The following CACNB1 variants were observed in gnomAD, a reference collection of about 807,000 sequenced individuals.
CACNB1 encodes calcium voltage-gated channel auxiliary subunit beta 1.
Under a neutral mutation model 71.6 loss-of-function variants are expected in CACNB1, and 29 were observed. The observed-to-expected ratio is 0.40, with a 90% confidence interval of 0.30 to 0.55. CACNB1 has a LOEUF of 0.55. CACNB1 is among the 20% of genes least tolerant of loss of function. CACNB1 has a pLI of 0.38. For synonymous variants in CACNB1, 300 were observed against 319.6 expected, an observed-to-expected ratio of 0.94 and a Z score of 0.65; for missense variants, 623 against 801.8, an observed-to-expected ratio of 0.78 and a Z score of 2.69.
chr17:39,184,273 C>A, intron 9 of CACNB1, 52 bp downstream of exon 9: 2 of 1,349,320 alleles, frequency 1.5e-6, no homozygotes, highest in Non-Finnish European at 2.1e-6. Context: ...CCTGCCCATC[C>A]CCAGCAGCAG....
chr17:39,197,421 G>A lies in CACNB1; in HGVS notation c.75C>T (p.Pro25=). ...GGCCACCACGCCTCACCTGCGGGCT[G>A]GGGTCGAAGACCTCCATGGGGATCT... ...SQEIPMEVFD[P]SPQGKYSKRK... is the part of the protein sequence containing the mutation. The change falls in exon 1 of 14, where the codon CCC becomes CCT. Residue 25 remains proline, a synonymous_variant. Coordinates refer to ENST00000394303, the MANE Select transcript of CACNB1 (RefSeq NM_000723.5). 1 of 1,465,090 alleles carries A rather than the reference G, an allele frequency of 6.8e-7. No individual in the cohort carries two copies. Among genetic ancestry groups the A allele is most frequent in the East Asian group, 3.0e-5 (1 of 33,698 alleles). 90.8% of individuals were successfully genotyped at this position (1,465,090 alleles called of 1,614,324 possible). A position where few individuals can be genotyped will look rare whatever the true frequency, so the allele number is the denominator to read the frequency against.
At chr17:39,184,975 C>A in intron 7 of CACNB1, 111 bp from the exon 8 acceptor site, 3 of 1,001,536 alleles carry the variant, frequency 3.0e-6, no homozygotes, top group East Asian at 2.4e-5. Context: ...TCCCAGAGCC[C>A]AGATGTAGGG....
Position 39,183,717 on chromosome 17 carries a change from G to A in CACNB1, c.1046C>T (p.Pro349Leu). 3 of 1,599,734 alleles carry A rather than the reference G, an allele frequency of 1.9e-6. No homozygotes were observed. Among genetic ancestry groups the A allele is most frequent in the Non-Finnish European group, 2.6e-6 (3 of 1,172,638 alleles). The change falls in exon 11 of 14, where the codon CCC becomes CTC. Residue 349 changes from proline to leucine, a missense_variant. Physicochemically the swap from Pro to Leu is moderately conservative, Grantham distance 98 (BLOSUM62 -3). Transcript: ENST00000394303. ...PIIVYIKITSPKVLQRLIKSR... is the reference protein window; with the variant it reads ...PIIVYIKITSLKVLQRLIKSR... Reference sequence around the variant, plus strand: ...GGGTCAGGCTCCTGCACCCACCTTGGGAGAGGTGATCTTGATGTAAACAAT... The same window carrying A: ...GGGTCAGGCTCCTGCACCCACCTTGAGAGAGGTGATCTTGATGTAAACAAT...
rs747996784 is a variant in CACNB1 at position 39,185,184 on chromosome 17, G to C, written c.629-34C>G. On this transcript the variant is annotated intron_variant, in intron 6 of 13. Coordinates refer to ENST00000394303, the MANE Select transcript of CACNB1 (RefSeq NM_000723.5). Reference sequence around the variant, plus strand: ...AGAGATTGCCAAGAGAGGGAAGGGGGAGGAGAGAGGGAAGGGGACCCAGGC... The same window carrying C: ...AGAGATTGCCAAGAGAGGGAAGGGGCAGGAGAGAGGGAAGGGGACCCAGGC... 3.1e-6 allele frequency: 5 copies of C among 1,598,182 alleles called. No individual in the cohort carries two copies. The South Asian group carries it at 5.5e-5, about 18-fold the overall frequency.
In CACNB1 at chr17:39,191,601, T is replaced by C. The variant is rs2046082517; in HGVS notation, c.172-8A>G. On this transcript the variant is annotated splice_region_variant and splice_polypyrimidine_tract_variant and intron_variant, in intron 2 of 13. Coordinates refer to ENST00000394303, the MANE Select transcript of CACNB1 (RefSeq NM_000723.5). ...GTAGGACTCCGCTGAGCCCTGAAAA[T>C]AGAGAGAGCCAGATCAGGGCCATTG... is the stretch of plus-strand genomic sequence containing the variant. The C allele has an allele frequency of 1.2e-6, 2 of 1,607,366 alleles. No homozygotes were observed. The highest frequency in any genetic ancestry group is 2.2e-5 in the South Asian group (2 of 90,094).
intron 8 of CACNB1, 146 bp downstream of exon 8, chr17:39,184,638 G>A: frequency 1.5e-6 from 1 of 665,082 alleles, no homozygotes; most frequent in South Asian, 1.8e-5. Flanking sequence ...GTCTTTCTGT[G>A]GATTGGGCCC....
rs2144144774 is a variant in CACNB1, at chr17:39,187,352, G to A, written c.414+127C>T. ...AAATTAAGAGGCTCAGAGAGGTGGA[G>A]AGATTTGTCTAAGGTCACACAGCAG... On this transcript the variant is annotated intron_variant, in intron 4 of 13. Transcript: ENST00000394303. 13 of 1,040,628 alleles carry A rather than the reference G, an allele frequency of 1.2e-5. No individual in the cohort carries two copies. In the South Asian group the frequency reaches 1.8e-4, roughly 14 times the overall value. The allele number at this position is 1,040,628 out of a possible 1,614,324, so 64.5% of individuals were successfully genotyped here. A position where few individuals can be genotyped will look rare whatever the true frequency, so the allele number is the denominator to read the frequency against.
chr17:39,189,117 C>T (rs2046011999), intron 3 of CACNB1, among the ~76,000 whole-genome samples: 1 of 152,068 alleles, frequency 6.6e-6, no homozygotes, highest in Non-Finnish European at 1.5e-5. Flanking sequence ...GTAATCCCAG[C>T]ACTTTGAAAG....
In CACNB1 at chr17:39,176,469, G is replaced by A. The variant is rs548732209; in HGVS notation, c.1333-812C>T. Among the ~76,000 whole-genome samples the A allele has an allele frequency of 4.9e-4, 75 of 152,272 alleles. No homozygotes were observed. In the South Asian group the frequency reaches 0.015, roughly 30 times the overall value. On this transcript the variant is annotated intron_variant, in intron 13 of 13. Transcript: ENST00000394303. ...TTTCCAAACTGTTACCTAGAGATCTGGGGTGGCATTGGGTGGGAAGGGCAC... is the reference window on the plus strand; with the variant it reads ...TTTCCAAACTGTTACCTAGAGATCTAGGGTGGCATTGGGTGGGAAGGGCAC...
At chr17:39,183,539 T>C (rs1226100484) in intron 11 of CACNB1, among the ~76,000 whole-genome samples, 174 bp downstream of exon 11, 1 of 152,192 alleles carries the variant, frequency 6.6e-6, no homozygotes, top group Non-Finnish European at 1.5e-5. Flanking sequence ...TGCTAAGTGC[T>C]ATACATTCAT....
chr17:39,175,604 G>C lies in CACNB1; in HGVS notation c.1386C>G (p.His462Gln). The change falls in exon 14 of 14, where the codon CAC (histidine) becomes CAG (glutamine). Residue 462 changes from histidine (H) to glutamine (Q), a missense_variant. Physicochemically the swap from His to Gln is conservative, Grantham distance 24. Transcript: ENST00000394303. The surrounding 1 kb of genome is among the most constrained non-coding windows in gnomAD (Gnocchi z 4.7). ...CCCCTGGGTACTCGTGCATGCTGGC[G>C]TGCTCCCCGGTGGCCCGTTCCAGTG... is the stretch of plus-strand genomic sequence containing the variant. ...DQPLERATGE[H>Q]ASMHEYPGEL... The C allele has an allele frequency of 6.3e-7, 1 of 1,598,400 alleles. No individual in the cohort carries two copies. The highest frequency in any genetic ancestry group is 1.1e-5 in the South Asian group (1 of 88,738).
Position 39,186,431 on chromosome 17 carries a change from G to A in CACNB1, c.628+65C>T. 1 of 1,176,766 alleles carries A rather than the reference G, an allele frequency of 8.5e-7. No individual in the cohort carries two copies. Among genetic ancestry groups the A allele is most frequent in the Non-Finnish European group, 1.2e-6 (1 of 807,056 alleles). 72.9% of individuals were successfully genotyped at this position (1,176,766 alleles called of 1,614,324 possible). On this transcript the variant is annotated intron_variant, in intron 6 of 13. Coordinates refer to ENST00000394303, the MANE Select transcript of CACNB1 (RefSeq NM_000723.5). This position sits in a 1 kb window ranked among gnomAD's most constrained non-coding sequence, Gnocchi z 4.1. Reference sequence around the variant, plus strand: ...CCTACTGCAGGGAAAGGAGGATTCAGGGAGTGGGGAGACCACCCCACCCAG... The same window carrying A: ...CCTACTGCAGGGAAAGGAGGATTCAAGGAGTGGGGAGACCACCCCACCCAG...
intron 3 of CACNB1, among the ~76,000 whole-genome samples, chr17:39,187,946 G>T (rs2045980957): frequency 6.6e-6 from 1 of 152,088 alleles, no homozygotes; most frequent in Admixed American, 6.6e-5. Context: ...CTGGAAGGTG[G>T]AGGTTGCAGT....
intron 3 of CACNB1, among the ~76,000 whole-genome samples, chr17:39,188,039 T>C (rs2045983032): frequency 6.6e-6 from 1 of 151,188 alleles, no homozygotes; most frequent in South Asian, 2.1e-4. Context: ...CAACAAAATG[T>C]ATACTGACAC....
chr17:39,187,451 C>T lies in CACNB1; in HGVS notation c.414+28G>A, dbSNP rs199821771. 7.6e-5 allele frequency: 122 copies of T among 1,612,724 alleles called. 1 individual carries two copies. In the East Asian group the frequency reaches 2.7e-3, roughly 35 times the overall value. On this transcript the variant is annotated intron_variant, in intron 4 of 13. Coordinates refer to ENST00000394303, the MANE Select transcript of CACNB1 (RefSeq NM_000723.5). ...CTGGCTGCCTGTCTCCTGGCACCCACTTCCCTGCCCTCCCTCCAGATACCC... is the reference window on the plus strand; with the variant it reads ...CTGGCTGCCTGTCTCCTGGCACCCATTTCCCTGCCCTCCCTCCAGATACCC...
rs184501402 is a variant in CACNB1 at position 39,189,778 on chromosome 17, G to A, written c.291+1696C>T. On this transcript the variant is annotated intron_variant, in intron 3 of 13. Transcript: ENST00000394303. ...CTCCCAAAGTGCCGGGATTACAGGC[G>A]TGAGCCACCGCACCCAGCCAGCCCT... is the stretch of plus-strand genomic sequence containing the variant. 5.9e-4 allele frequency among the ~76,000 whole-genome samples: 90 copies of A among 151,790 alleles called. 1 individual carries two copies. In the East Asian group the frequency reaches 0.017, roughly 29 times the overall value.
At chr17:39,187,180 A>T in intron 4 of CACNB1, 1 of 599,770 alleles carries the variant, frequency 1.7e-6, no homozygotes. Flanking sequence ...CCTTCTCCCC[A>T]TGTGCCCACC....
chr17:39,190,611 A>G (rs2046051446), intron 3 of CACNB1, among the ~76,000 whole-genome samples: 1 of 151,622 alleles, frequency 6.6e-6, no homozygotes, highest in Non-Finnish European at 1.5e-5. Flanking sequence ...TATTTTTAGT[A>G]GAGACGGGGT....
intron 1 of CACNB1, among the ~76,000 whole-genome samples, chr17:39,197,170 G>T (rs1028297168): frequency 2.9e-4 from 44 of 152,230 alleles, no homozygotes; most frequent in African/African-American, 1.1e-3. Flanking sequence ...CTTGACGCGG[G>T]GGAGATAAGG....
Sources: gnomAD v4.1 joint callset for allele counts (sites outside exome capture counted in the v4.1 genomes callset) on GRCh38, gnomAD v4.1.1 for gene constraint, Gnocchi (gnomAD v3.1) non-coding constraint, MANE v1.5 for transcripts, NCBI Gene and HGNC (gene_info 2026-07-23, HGNC 2026-07-21) for gene names.